Variants in SCFD2 observed in about 807,000 individuals in gnomAD.
SCFD2 encodes sec1 family domain-containing protein 2.
Under a neutral mutation model 58.9 loss-of-function variants are expected in SCFD2, and 54 were observed. The observed-to-expected ratio is 0.92, with a 90% confidence interval of 0.74 to 1.15. The LOEUF (loss-of-function observed/expected upper bound fraction) is 1.15, where lower values mean the gene tolerates loss of function less well. Among genes scored for constraint, SCFD2 ranks in the 50% most tolerant of loss-of-function variants. The probability of loss-of-function intolerance (pLI) is 0.00; values close to 1 mark genes in which losing one functional copy is unlikely to be tolerated. For missense variants in SCFD2, 805 were observed against 836.6 expected, an observed-to-expected ratio of 0.96 and a Z score of 0.47; for synonymous variants, 321 against 335.9, an observed-to-expected ratio of 0.96 and a Z score of 0.49.
intron 1 of SCFD2, among the ~76,000 whole-genome samples, chr4:53,364,095 T>C (rs1222857016): frequency 6.6e-6 from 1 of 152,206 alleles, no homozygotes; most frequent in Non-Finnish European, 1.5e-5. Context: ...TCTGTGATGC[T>C]ACAGTTATTA....
intron 6 of SCFD2, among the ~76,000 whole-genome samples, chr4:52,916,543 C>T (rs903769279): frequency 1.3e-5 from 2 of 152,192 alleles, no homozygotes; most frequent in Admixed American, 6.5e-5. Flanking sequence ...CACTGCACTC[C>T]AGCTTCTGCG....
intron 7 of SCFD2, among the ~76,000 whole-genome samples, chr4:52,891,184 A>G (rs1481930981): frequency 1.3e-5 from 2 of 152,216 alleles, no homozygotes; most frequent in African/African-American, 4.8e-5. Flanking sequence ...CTCATGTTTC[A>G]TTCATTTATT....
intron 1 of SCFD2, among the ~76,000 whole-genome samples, chr4:53,359,190 A>G (rs1039456602): frequency 1.3e-5 from 2 of 152,248 alleles, no homozygotes; most frequent in African/African-American, 4.8e-5. Flanking sequence ...AACAATGTCA[A>G]GTACTTCTGA....
At chr4:53,179,944 G>A (rs1040534755) in intron 4 of SCFD2, among the ~76,000 whole-genome samples, 2 of 152,192 alleles carry the variant, frequency 1.3e-5, no homozygotes, top group Admixed American at 6.5e-5. Context: ...TCAACAAGAA[G>A]AGCTAACCAT....
chr4:52,992,828 C>T (rs1721650251), intron 5 of SCFD2, among the ~76,000 whole-genome samples: 1 of 152,032 alleles, frequency 6.6e-6, no homozygotes, highest in Admixed American at 6.5e-5. Context: ...GGGGATGCCT[C>T]TGCCCGGCTG....
chr4:52,896,376 A>C (rs868787426), intron 7 of SCFD2, among the ~76,000 whole-genome samples: 152 of 152,326 alleles, frequency 1.0e-3, no homozygotes, highest in African/African-American at 3.3e-3. Flanking sequence ...AGCTTTCTAC[A>C]TATGGCTAGC....
At chr4:53,114,089 T>C (rs1449783304) in intron 5 of SCFD2, among the ~76,000 whole-genome samples, 2 of 152,136 alleles carry the variant, frequency 1.3e-5, no homozygotes, top group South Asian at 2.1e-4. Flanking sequence ...ACTTAAACTT[T>C]CGTTCCTTTA....
At chr4:53,254,134 T>G (rs775188402) in intron 4 of SCFD2, among the ~76,000 whole-genome samples, 2 of 152,128 alleles carry the variant, frequency 1.3e-5, no homozygotes, top group Non-Finnish European at 2.9e-5. Flanking sequence ...AAAAAATAAC[T>G]ATTGAGTACC....
chr4:52,912,332 G>A (rs1186660757), intron 6 of SCFD2, among the ~76,000 whole-genome samples: 1 of 151,950 alleles, frequency 6.6e-6, no homozygotes, highest in Non-Finnish European at 1.5e-5. Flanking sequence ...GACATAAAAT[G>A]GGAAAAAAGG....
chr4:53,204,634 G>C (rs770718202), intron 4 of SCFD2, among the ~76,000 whole-genome samples: 1 of 149,012 alleles, frequency 6.7e-6, no homozygotes, highest in Non-Finnish European at 1.5e-5. Context: ...AGAGAAAATG[G>C]AAAAAGGGAA....
Position 53,180,009 on chromosome 4 carries a change from T to G in SCFD2, c.1312-34427A>C, listed in dbSNP as rs180686462. Reference sequence around the variant, plus strand: ...CATCCAGATTCATAAAGCGAGTCCTTAGTGACCTACAAAGAGACTTAGACT... The same window carrying G: ...CATCCAGATTCATAAAGCGAGTCCTGAGTGACCTACAAAGAGACTTAGACT... On this transcript the variant is annotated intron_variant, in intron 4 of 8. Transcript: ENST00000401642. Among the ~76,000 whole-genome samples the G allele has an allele frequency of 2.7e-3, 414 of 152,242 alleles. 1 individual carries two copies. The highest frequency in any genetic ancestry group is 9.5e-3 in the African/African-American group (394 of 41,542).
At chr4:53,243,406 A>T (rs186138305) in intron 4 of SCFD2, among the ~76,000 whole-genome samples, 77 of 152,138 alleles carry the variant, frequency 5.1e-4, no homozygotes, top group Non-Finnish European at 9.0e-4. Context: ...AAGAAATAAG[A>T]CCCTTTTCAG....
chr4:53,143,642 G>A (rs1577772119), intron 5 of SCFD2, among the ~76,000 whole-genome samples: 1 of 152,146 alleles, frequency 6.6e-6, no homozygotes, highest in Admixed American at 6.5e-5. Context: ...ACATGCATGA[G>A]AGACTAAGGT....
chr4:53,280,942 G>A (rs116517697), intron 3 of SCFD2, among the ~76,000 whole-genome samples: 1 of 152,118 alleles, frequency 6.6e-6, no homozygotes, highest in East Asian at 1.9e-4. Flanking sequence ...AAAGACAGCA[G>A]CTAAACACAA....
Position 53,182,186 on chromosome 4 carries a change from C to G in SCFD2, c.1312-36604G>C, listed in dbSNP as rs201924947. Reference sequence around the variant, plus strand: ...TCATATGGAACCAAAAAAGAGCCCACACTGCCAAGTCAATCCTAAGCCAAA... The same window carrying G: ...TCATATGGAACCAAAAAAGAGCCCAGACTGCCAAGTCAATCCTAAGCCAAA... On this transcript the variant is annotated intron_variant, in intron 4 of 8. Transcript: ENST00000401642. 1.6e-4 allele frequency among the ~76,000 whole-genome samples: 25 copies of G among 152,252 alleles called. No individual in the cohort carries two copies. The East Asian group carries it at 4.6e-3, about 28-fold the overall frequency.
intron 5 of SCFD2, among the ~76,000 whole-genome samples, chr4:53,106,909 C>T (rs1159046482): frequency 6.6e-6 from 1 of 152,042 alleles, no homozygotes; most frequent in Non-Finnish European, 1.5e-5. Flanking sequence ...AGAGCAACCC[C>T]AAGACATGTA....
intron 5 of SCFD2, among the ~76,000 whole-genome samples, chr4:53,003,884 G>C (rs1721916753): frequency 6.6e-6 from 1 of 152,134 alleles, no homozygotes; most frequent in African/African-American, 2.4e-5. Flanking sequence ...GAAATGTAGG[G>C]GAAGACGAAA....
At chr4:53,120,611 G>A (rs983210433) in intron 5 of SCFD2, among the ~76,000 whole-genome samples, 4 of 152,068 alleles carry the variant, frequency 2.6e-5, no homozygotes, top group East Asian at 1.9e-4. Context: ...GAGACACAGA[G>A]GTCCCTGTTT....
At position 53,312,678 on chromosome 4, in the gene SCFD2, T is replaced by C. The variant is rs141610242; in HGVS notation, c.1135+958A>G. On this transcript the variant is annotated intron_variant, in intron 3 of 8. Transcript: ENST00000401642. ...CATATTCTGCTACTTTCAAATTTTGTTCTATTTCAACTTAGTTTGATTTTT... is the reference window on the plus strand; with the variant it reads ...CATATTCTGCTACTTTCAAATTTTGCTCTATTTCAACTTAGTTTGATTTTT... Among the ~76,000 whole-genome samples, 588 of 152,324 alleles carry C rather than the reference T, an allele frequency of 3.9e-3. 3 individuals are homozygous for C. The highest frequency in any genetic ancestry group is 5.5e-3 in the Non-Finnish European group (373 of 68,022).
Sources: allele counts gnomAD v4.1 joint callset (sites outside exome capture counted in the v4.1 genomes callset), GRCh38; gene constraint gnomAD v4.1.1; transcripts MANE v1.5; gene names NCBI Gene and HGNC (gene_info 2026-07-23, HGNC 2026-07-21).